The following ERBB4 variants were observed in gnomAD, a reference collection of about 807,000 sequenced individuals.
ERBB4 encodes the protein erb-b2 receptor tyrosine kinase 4.
In ERBB4, 42 loss-of-function variants were observed where a neutral mutation model predicts 158.0. The observed-to-expected ratio is 0.27, with a 90% CI of 0.21 to 0.34. The LOEUF (loss-of-function observed/expected upper bound fraction) is 0.34, where lower values mean the gene tolerates loss of function less well. Among genes scored for constraint, ERBB4 ranks in the 10% least tolerant of loss-of-function variants. The pLI, the probability that ERBB4 is intolerant of heterozygous loss-of-function variation, is 1.00. For missense variants in ERBB4, 1,333 were observed against 1,624.1 expected (o/e 0.82, Z 3.08); for synonymous variants, 583 against 558.7 (o/e 1.04, Z -0.61).
intron 3 of ERBB4, among the ~76,000 whole-genome samples, chr2:211,908,025 A>G (rs2079444227): frequency 6.7e-6 from 1 of 149,898 alleles, no homozygotes; most frequent in Non-Finnish European, 1.5e-5. Flanking sequence ...TTCTAAGAGT[A>G]CCTTTATTGG....
chr2:212,254,343 G>A lies in ERBB4; in HGVS notation c.83-129440C>T, dbSNP rs774387600. ...AGGAATGAAGATTAAGTTAAAATGCGGACAGCTATGTTGAATCTGACACAC... is the reference window on the plus strand; with the variant it reads ...AGGAATGAAGATTAAGTTAAAATGCAGACAGCTATGTTGAATCTGACACAC... On this transcript the variant is annotated intron_variant, in intron 1 of 27. Coordinates refer to ENST00000342788, the MANE Select transcript of ERBB4 (RefSeq NM_005235.3). Among the ~76,000 whole-genome samples the A allele has an allele frequency of 3.9e-5, 6 of 152,200 alleles. No individual in the cohort carries two copies. In the East Asian group the frequency reaches 5.8e-4, roughly 15 times the overall value.
At chr2:212,374,602 A>T (rs942611120) in intron 1 of ERBB4, among the ~76,000 whole-genome samples, 4 of 151,734 alleles carry the variant, frequency 2.6e-5, no homozygotes, top group Admixed American at 2.0e-4. Flanking sequence ...CTAACTGAAA[A>T]TATTACAAAT....
chr2:212,476,032 T>C (rs1471840254), intron 1 of ERBB4, among the ~76,000 whole-genome samples: 1 of 151,996 alleles, frequency 6.6e-6, no homozygotes, highest in Non-Finnish European at 1.5e-5. Flanking sequence ...GCCTATATCC[T>C]CCATATTTCA....
At chr2:211,425,483 A>G (rs2063608449) in intron 22 of ERBB4, among the ~76,000 whole-genome samples, 2 of 152,030 alleles carry the variant, frequency 1.3e-5, no homozygotes, top group African/African-American at 4.8e-5. Flanking sequence ...GTGACAATTT[A>G]ATTGACTGAT....
chr2:212,296,531 G>T (rs532551698), intron 1 of ERBB4, among the ~76,000 whole-genome samples: 54 of 152,016 alleles, frequency 3.6e-4, no homozygotes, highest in African/African-American at 1.3e-3. Context: ...CAAGATAACA[G>T]AATTAAATCA....
intron 20 of ERBB4, among the ~76,000 whole-genome samples, chr2:211,496,423 T>C (rs2065471167): frequency 6.6e-6 from 1 of 152,010 alleles, no homozygotes; most frequent in Non-Finnish European, 1.5e-5. Context: ...ACTAGTTCTT[T>C]CTATATGTTA....
chr2:211,895,664 A>G (rs1575335828), intron 3 of ERBB4, among the ~76,000 whole-genome samples: 1 of 152,096 alleles, frequency 6.6e-6, no homozygotes, highest in Admixed American at 6.5e-5. Flanking sequence ...CAGTTCTTTA[A>G]CCTTACATAC....
intron 1 of ERBB4, among the ~76,000 whole-genome samples, chr2:212,430,008 A>C (rs916424377): frequency 1.3e-5 from 2 of 152,216 alleles, no homozygotes; most frequent in Non-Finnish European, 2.9e-5. Context: ...CATTACTTTA[A>C]AATGAAATGA....
chr2:211,386,877 G>A lies in ERBB4; in HGVS notation c.3457C>T (p.Pro1153Ser), dbSNP rs1326012979. Reference protein sequence around the residue: ...GELDEEGYMTPMRDKPKQEYL... With the variant: ...GELDEEGYMTSMRDKPKQEYL... Reference sequence around the variant, plus strand: ...CCTTGTTTGGGTTTGTCTCGCATAGGAGTCATGTAACCTTCCTCATCCAGC... The same window carrying A: ...CCTTGTTTGGGTTTGTCTCGCATAGAAGTCATGTAACCTTCCTCATCCAGC... The change falls in exon 27 of 28, where the codon CCT becomes TCT. Residue 1153 changes from proline to serine, a missense_variant. This residue lies in a region of ERBB4 where 252 missense variants were observed against 241.3 expected (regional missense o/e 1.04). Coordinates refer to ENST00000342788, the MANE Select transcript of ERBB4 (RefSeq NM_005235.3). 1.9e-6 allele frequency: 3 copies of A among 1,614,030 alleles called. No homozygotes were observed. The highest frequency in any genetic ancestry group is 1.3e-5 in the African/African-American group (1 of 74,910).
intron 2 of ERBB4, among the ~76,000 whole-genome samples, chr2:212,012,134 A>G (rs1351849592): frequency 6.6e-6 from 1 of 152,200 alleles, no homozygotes; most frequent in Non-Finnish European, 1.5e-5. Context: ...TGTTCTTATT[A>G]CTACTCAAAT....
intron 3 of ERBB4, among the ~76,000 whole-genome samples, chr2:211,885,879 A>G (rs1317298176): frequency 2.6e-5 from 4 of 152,210 alleles, no homozygotes; most frequent in Admixed American, 6.5e-5. Flanking sequence ...GTACTTTACT[A>G]TATGAAATAT....
intron 2 of ERBB4, among the ~76,000 whole-genome samples, chr2:212,123,511 T>C (rs2079823804): frequency 6.6e-6 from 1 of 152,160 alleles, no homozygotes; most frequent in South Asian, 2.1e-4. Context: ...AACAAAGACA[T>C]CAAAATTAAA....
chr2:211,699,870 T>A (rs77318172), intron 12 of ERBB4, among the ~76,000 whole-genome samples: 1 of 152,254 alleles, frequency 6.6e-6, no homozygotes, highest in East Asian at 1.9e-4. Context: ...TAACATTATA[T>A]AATTTATTGA....
At chr2:211,551,500 C>T (rs2067096204) in intron 20 of ERBB4, among the ~76,000 whole-genome samples, 1 of 151,842 alleles carries the variant, frequency 6.6e-6, no homozygotes, top group African/African-American at 2.4e-5. Context: ...TTTCTGTGTC[C>T]AAATATACCC....
chr2:212,189,893 T>C (rs535804334), intron 1 of ERBB4, among the ~76,000 whole-genome samples: 1 of 152,296 alleles, frequency 6.6e-6, no homozygotes, highest in African/African-American at 2.4e-5. Context: ...CCAAAATATG[T>C]AAACCAATTA....
chr2:212,110,701 T>A (rs543915086), intron 2 of ERBB4, among the ~76,000 whole-genome samples: 1 of 152,218 alleles, frequency 6.6e-6, no homozygotes, highest in Non-Finnish European at 1.5e-5. Context: ...AAAAAGCTCT[T>A]CATCTTAATT....
rs564541187 is a variant in ERBB4 at position 212,206,129 on chromosome 2, T to A, written c.83-81226A>T. 4.2e-3 allele frequency among the ~76,000 whole-genome samples: 636 copies of A among 152,344 alleles called. 4 individuals carry two copies. Among genetic ancestry groups the A allele is most frequent in the Non-Finnish European group, 7.5e-3 (509 of 68,034 alleles). On this transcript the variant is annotated intron_variant, in intron 1 of 27. Coordinates refer to ENST00000342788, the MANE Select transcript of ERBB4 (RefSeq NM_005235.3). The stretch of plus-strand genomic sequence containing the variant: ...CCCAGTTTTTATATGGCCCTGGTTC[T>A]ACTGACCTGTTTCATGGTTACAGAC...
chr2:211,407,249 G>A (rs186715851), intron 25 of ERBB4, among the ~76,000 whole-genome samples: 37 of 152,154 alleles, frequency 2.4e-4, no homozygotes, highest in African/African-American at 8.9e-4. Flanking sequence ...GTAATTACTA[G>A]ACACAAAAGA....
At chr2:212,206,589 C>CTTTTTT (rs5838309) in intron 1 of ERBB4, among the ~76,000 whole-genome samples, 4,441 of 116,064 alleles carry the variant, frequency 0.038, 496 homozygotes, top group Non-Finnish European at 0.061. Context: ...CTGTTCTGTT[C>CTTTTTT]TTTTTTTTTT....
Sources: gnomAD v4.1 joint callset for allele counts (sites outside exome capture counted in the v4.1 genomes callset) on GRCh38, gnomAD v4.1.1 for gene constraint, gnomAD v4.1.1 regional missense constraint, MANE v1.5 for transcripts, NCBI Gene and HGNC (gene_info 2026-07-23, HGNC 2026-07-21) for gene names.